Variants in MYH11 observed in about 807,000 individuals in gnomAD.
MYH11 encodes the protein myosin-11.
A neutral mutation model predicts 246.6 loss-of-function variants in MYH11; 80 were observed. That is an observed-to-expected ratio of 0.32 (90% confidence interval 0.27 to 0.39). The LOEUF (loss-of-function observed/expected upper bound fraction) is 0.39, where lower values mean the gene tolerates loss of function less well. Ranked by LOEUF, MYH11 falls within the 10% of genes least tolerant of loss-of-function variation. The probability of loss-of-function intolerance (pLI) is 1.00; values close to 1 mark genes in which losing one functional copy is unlikely to be tolerated. For synonymous variants in MYH11, 1,071 were observed against 1,015.5 expected, an observed-to-expected ratio of 1.05 and a Z score of -1.04; for missense variants, 2,158 against 2,546.8, an observed-to-expected ratio of 0.85 and a Z score of 3.29.
intron 19 of MYH11, among the ~76,000 whole-genome samples, chr16:15,745,829 C>A (rs9923788): frequency 1.3e-5 from 2 of 152,020 alleles, no homozygotes; most frequent in African/African-American, 4.8e-5. Context: ...TCAGGTGATC[C>A]ACCCACCTTG....
rs754715839 is a variant in MYH11 at position 15,748,111 on chromosome 16, C to A, written c.2116G>T (p.Glu706Ter). The part of the protein sequence containing the change: ...LEQLRCNGVL[E>*]GIRICRQGFP... Reference sequence around the variant, plus strand: ...CCCTGCCGGCAGATGCGAATGCCTTCCAGCACCCCATTGCACCGCAGCTGC... The same window carrying A: ...CCCTGCCGGCAGATGCGAATGCCTTACAGCACCCCATTGCACCGCAGCTGC... The change falls in exon 17 of 41, where the codon GAA (glutamate) becomes TAA (stop). Residue 706 changes from glutamate to a stop codon, truncating the protein, a stop_gained. Coordinates refer to ENST00000300036, the MANE Select transcript of MYH11 (RefSeq NM_002474.3). LOFTEE classifies it high-confidence loss of function. 2 of 1,614,134 alleles carry A rather than the reference C, an allele frequency of 1.2e-6. No homozygotes were observed. The highest frequency in any genetic ancestry group is 1.6e-4 in the Middle Eastern group (1 of 6,062).
chr16:15,716,446 G>A (rs1255564522), intron 38 of MYH11, among the ~76,000 whole-genome samples: 2 of 152,188 alleles, frequency 1.3e-5, no homozygotes, highest in South Asian at 2.1e-4. Context: ...TGCCTCATTC[G>A]ACCCATAATT....
At chr16:15,784,641 A>G (rs1281271208) in intron 5 of MYH11, 1 of 1,599,772 alleles carries the variant, frequency 6.3e-7, no homozygotes. Flanking sequence ...GATCATGCAG[A>G]TCTAAGTTCA....
intron 3 of MYH11, among the ~76,000 whole-genome samples, chr16:15,802,714 G>T (rs2042915662): frequency 6.6e-6 from 1 of 152,138 alleles, no homozygotes; most frequent in Admixed American, 6.5e-5. Context: ...CTCCCAAAGT[G>T]CTGGGATTAC....
At chr16:15,833,497 T>G (rs1394163685) in intron 2 of MYH11, among the ~76,000 whole-genome samples, 10 of 151,964 alleles carry the variant, frequency 6.6e-5, no homozygotes, top group Non-Finnish European at 1.5e-5. Context: ...GGACCAGGCG[T>G]CAAAGCCATG....
chr16:15,839,580 G>C (rs1437238086), intron 1 of MYH11, among the ~76,000 whole-genome samples: 1 of 151,984 alleles, frequency 6.6e-6, no homozygotes, highest in African/African-American at 2.4e-5. Flanking sequence ...TGTAGTCCCA[G>C]CTACTCAGGA....
At chr16:15,774,628 C>T (rs2042178496) in intron 8 of MYH11, among the ~76,000 whole-genome samples, 1 of 152,182 alleles carries the variant, frequency 6.6e-6, no homozygotes, top group South Asian at 2.1e-4. Flanking sequence ...CTCACTCTAT[C>T]GCCTAGGCTG....
chr16:15,812,144 T>C (rs1288567439), intron 3 of MYH11, among the ~76,000 whole-genome samples: 1 of 152,154 alleles, frequency 6.6e-6, no homozygotes. Context: ...TTGCCCGGTG[T>C]CACCGACTGA....
intron 40 of MYH11, among the ~76,000 whole-genome samples, chr16:15,707,139 A>C (rs1250180008): frequency 6.6e-6 from 1 of 152,096 alleles, no homozygotes; most frequent in Non-Finnish European, 1.5e-5. Flanking sequence ...CCCAGGTTCA[A>C]GCGATTCTCC....
intron 40 of MYH11, among the ~76,000 whole-genome samples, chr16:15,709,726 C>A (rs1373011402): frequency 6.6e-6 from 1 of 152,170 alleles, no homozygotes; most frequent in Non-Finnish European, 1.5e-5. Context: ...TTTGAGCAAG[C>A]TAGTTTGAGA....
Position 15,856,345 on chromosome 16 carries a change from A to AG in MYH11, c.-18+595_-18+596insC, listed in dbSNP as rs113920017. 8.4e-5 allele frequency among the ~76,000 whole-genome samples: 12 copies of AG among 143,136 alleles called. No homozygotes were observed. The East Asian group carries it at 2.7e-3, about 32-fold the overall frequency. 93.9% of individuals were successfully genotyped at this position (143,136 alleles called of 152,430 possible). On this transcript the variant is annotated intron_variant, in intron 1 of 40. Transcript: ENST00000300036. The stretch of plus-strand genomic sequence containing the variant: ...CCCCTAAACTGATTAAAAAAAAAAA[A>AG]CAACAACACTCCTTTCTGCTAAGCC...
intron 4 of MYH11, among the ~76,000 whole-genome samples, chr16:15,789,156 G>T (rs1246095397): frequency 6.6e-6 from 1 of 152,086 alleles, no homozygotes; most frequent in East Asian, 1.9e-4. Flanking sequence ...AGCAAAGAAG[G>T]GATACAGTCA....
At position 15,724,954 on chromosome 16, in the gene MYH11, G is replaced by A. The variant is rs190546350; in HGVS notation, c.3897C>T (p.Ala1299=). ...TGGCCAGCTTAATGGCCTTCCCCTC[G>A]GCCTCGTTAAGCATCCCTGTGACGC... The part of the protein sequence containing the change: ...VESVTGMLNE[A]EGKAIKLAKD... Residue 1299 remains alanine, a synonymous_variant, in exon 29 of 41, where the codon GCC becomes GCT. Transcript: ENST00000300036. 3.7e-5 allele frequency: 59 copies of A among 1,614,046 alleles called. No individual in the cohort carries two copies. The highest frequency in any genetic ancestry group is 1.6e-4 in the Middle Eastern group (1 of 6,062).
In MYH11 at chr16:15,830,078, T is replaced by C. The variant is rs544338767; in HGVS notation, c.346-6667A>G. 2.0e-5 allele frequency among the ~76,000 whole-genome samples: 3 copies of C among 151,888 alleles called. No homozygotes were observed. The South Asian group carries it at 6.2e-4, about 32-fold the overall frequency. The stretch of plus-strand genomic sequence containing the variant: ...TGAACTCAGGTGGCAGAGGTTGCAG[T>C]GAGCTGAGATTGTGCCACTCCACTC... On this transcript the variant is annotated intron_variant, in intron 2 of 40. Transcript: ENST00000300036.
intron 8 of MYH11, among the ~76,000 whole-genome samples, chr16:15,772,939 C>T (rs2042138537): frequency 6.6e-6 from 1 of 152,162 alleles, no homozygotes; most frequent in Non-Finnish European, 1.5e-5. Flanking sequence ...CCCGATGGGA[C>T]TGCAGGAAAA....
intron 40 of MYH11, 92 bp from the exon 41 acceptor site, chr16:15,704,215 G>T: frequency 6.8e-7 from 1 of 1,466,250 alleles, no homozygotes; most frequent in Non-Finnish European, 9.3e-7. Context: ...TGTAGCTATA[G>T]TCCTATTGCA....
chr16:15,737,698 T>C, intron 24 of MYH11, 78 bp from the exon 25 acceptor site: 1 of 1,538,954 alleles, frequency 6.5e-7, no homozygotes, highest in Non-Finnish European at 8.9e-7. Context: ...GCCCAGGCAT[T>C]TTACCCGGAG....
Position 15,744,104 on chromosome 16 carries a change from C to CA in MYH11, c.2520+1024dup, listed in dbSNP as rs2041350648. Among the ~76,000 whole-genome samples the CA allele has an allele frequency of 2.7e-5, 4 of 149,266 alleles. No homozygotes were observed. In the East Asian group the frequency reaches 7.8e-4, roughly 29 times the overall value. On this transcript the variant is annotated intron_variant, in intron 20 of 40. Transcript: ENST00000300036. ...TGGGTAACAGAGTGAGACTCCATTT[C>CA]AAAAAATGCAAAAAGTAAAAAAAAA...
intron 3 of MYH11, among the ~76,000 whole-genome samples, chr16:15,812,985 G>A (rs1424542155): frequency 2.0e-5 from 3 of 152,228 alleles, no homozygotes; most frequent in South Asian, 2.1e-4. Flanking sequence ...TGGTCAACAC[G>A]GTGAAACACC....
Sources: allele counts gnomAD v4.1 joint callset (sites outside exome capture counted in the v4.1 genomes callset), GRCh38; gene constraint gnomAD v4.1.1; transcripts MANE v1.5; gene names NCBI Gene and HGNC (gene_info 2026-07-23, HGNC 2026-07-21).